GNAO1: variants seen among roughly 807,000 people sequenced by gnomAD.
GNAO1 encodes guanine nucleotide-binding protein G(o) subunit alpha.
For missense variants in GNAO1, 166 were observed against 478.7 expected (o/e 0.35, Z 6.10); for synonymous variants, 164 against 180.7 (o/e 0.91, Z 0.74).
intron 8 of GNAO1, chr16:56,355,488 G>C (rs1297494182): frequency 6.6e-6 from 1 of 152,424 alleles, no homozygotes; most frequent in African/African-American, 2.4e-5. Context: ...GGCCCAGCCA[G>C]CTCTCTGTGT....
At chr16:56,197,647 G>A (rs2036245582) in intron 2 of GNAO1, among the ~76,000 whole-genome samples, 2 of 152,218 alleles carry the variant, frequency 1.3e-5, no homozygotes, top group South Asian at 2.1e-4. Flanking sequence ...CAACATGGCT[G>A]GAAAAGAATG....
chr16:56,267,828 A>G (rs2036972305), intron 2 of GNAO1, among the ~76,000 whole-genome samples: 1 of 152,174 alleles, frequency 6.6e-6, no homozygotes, highest in Non-Finnish European at 1.5e-5. Context: ...TAGGTATGCA[A>G]ATAATATATG....
At chr16:56,290,486 C>T (rs1408795288) in intron 3 of GNAO1, among the ~76,000 whole-genome samples, 1 of 152,198 alleles carries the variant, frequency 6.6e-6, no homozygotes, top group Admixed American at 6.5e-5. Context: ...TGTATGGCCC[C>T]TTGTAAAATC....
intron 2 of GNAO1, chr16:56,270,637 TA>T (rs1567463303): frequency 3.3e-5 from 5 of 152,282 alleles, no homozygotes; most frequent in Admixed American, 6.5e-5. Flanking sequence ...GCTTTAATTT[TA>T]AAAATTAAAA....
intron 3 of GNAO1, among the ~76,000 whole-genome samples, chr16:56,286,356 TGG>T (rs2037167237): frequency 9.2e-5 from 14 of 152,244 alleles, no homozygotes; most frequent in African/African-American, 3.4e-4. Context: ...ACAACCACAC[TGG>T]CAAACTGGCT....
rs142902032 is a variant in GNAO1 at position 56,195,714 on chromosome 16, G to A, written c.161+3098G>A. On this transcript the variant is annotated intron_variant, in intron 2 of 8. Coordinates refer to ENST00000262493, the MANE Select transcript of GNAO1 (RefSeq NM_020988.3). ...GTGATAACCCAGTGATTTCCTAATG[G>A]GGGGCTGCAGTCTAATAGCTCAGCA... 3.7e-3 allele frequency among the ~76,000 whole-genome samples: 559 copies of A among 152,316 alleles called. 1 individual carries two copies. The highest frequency in any genetic ancestry group is 6.9e-3 in the Non-Finnish European group (468 of 68,026).
chr16:56,294,831 G>A (rs1481863236), intron 3 of GNAO1, among the ~76,000 whole-genome samples: 1 of 152,178 alleles, frequency 6.6e-6, no homozygotes, highest in Non-Finnish European at 1.5e-5. Context: ...GTATTTCACT[G>A]TGGTTTTAAT....
Position 56,256,849 on chromosome 16 carries a change from A to G in GNAO1, c.162-19082A>G, listed in dbSNP as rs868813881. Among the ~76,000 whole-genome samples, 30 of 152,118 alleles carry G rather than the reference A, an allele frequency of 2.0e-4. 1 individual carries two copies. The South Asian group carries it at 3.9e-3, about 20-fold the overall frequency. On this transcript the variant is annotated intron_variant, in intron 2 of 8. Coordinates refer to ENST00000262493, the MANE Select transcript of GNAO1 (RefSeq NM_020988.3). ...ACTCTTTGTCTAGTTGAATCTGATT[A>G]GACACTGGACTAGCTTCCAGAATCA...
chr16:56,240,818 G>A (rs1266136524), intron 2 of GNAO1, among the ~76,000 whole-genome samples: 7 of 152,160 alleles, frequency 4.6e-5, no homozygotes, highest in Non-Finnish European at 8.8e-5. Flanking sequence ...ACAGTCACGA[G>A]GAGAAGGATG....
At chr16:56,221,035 T>C (rs2036480919) in intron 2 of GNAO1, among the ~76,000 whole-genome samples, 1 of 152,122 alleles carries the variant, frequency 6.6e-6, no homozygotes, top group Non-Finnish European at 1.5e-5. Context: ...CATGAGCCAC[T>C]GCACCCAGCC....
At chr16:56,313,579 G>A (rs866612809) in intron 3 of GNAO1, among the ~76,000 whole-genome samples, 2 of 152,064 alleles carry the variant, frequency 1.3e-5, no homozygotes, top group Non-Finnish European at 2.9e-5. Flanking sequence ...TTGTTTGGTT[G>A]AAGAAAAATT....
At chr16:56,204,754 A>T (rs904214889) in intron 2 of GNAO1, among the ~76,000 whole-genome samples, 1 of 152,196 alleles carries the variant, frequency 6.6e-6, no homozygotes, top group Admixed American at 6.5e-5. Context: ...AAAAATTTTT[A>T]TGGTAGAAAT....
chr16:56,315,305 C>T (rs1026242295), intron 3 of GNAO1, among the ~76,000 whole-genome samples: 1 of 152,216 alleles, frequency 6.6e-6, no homozygotes, highest in Non-Finnish European at 1.5e-5. Flanking sequence ...TTTTCCTTCC[C>T]TTTGACTGAG....
chr16:56,319,795 C>T (rs2037553717), intron 3 of GNAO1, among the ~76,000 whole-genome samples: 1 of 152,088 alleles, frequency 6.6e-6, no homozygotes, highest in Admixed American at 6.5e-5. Context: ...GTACCATGCT[C>T]CCCACCCCTC....
chr16:56,294,334 T>G (rs2037262777), intron 3 of GNAO1, among the ~76,000 whole-genome samples: 1 of 129,548 alleles, frequency 7.7e-6, no homozygotes, highest in South Asian at 2.6e-4. Context: ...AGCAGAAGGC[T>G]TTGCTTTAAA....
intron 2 of GNAO1, among the ~76,000 whole-genome samples, chr16:56,213,090 G>A (rs534494193): frequency 3.9e-5 from 6 of 152,254 alleles, no homozygotes; most frequent in Non-Finnish European, 7.3e-5. Context: ...AGCCAGGCCA[G>A]ACCCAGTTGC....
rs1221327508 is a variant in GNAO1, at chr16:56,221,463, A to G, written c.161+28847A>G. On this transcript the variant is annotated intron_variant, in intron 2 of 8. Transcript: ENST00000262493. ...TCAGGAGTTCATGACCAGCCTGGCC[A>G]ACATGGTGAAACCCCATCTCTACTA... Among the ~76,000 whole-genome samples the G allele has an allele frequency of 2.0e-5, 3 of 152,184 alleles. No individual in the cohort carries two copies. The South Asian group carries it at 6.2e-4, about 32-fold the overall frequency.
intron 4 of GNAO1, among the ~76,000 whole-genome samples, chr16:56,329,964 G>T (rs11864758): frequency 1.2e-3 from 182 of 152,350 alleles, no homozygotes; most frequent in African/African-American, 4.1e-3. Flanking sequence ...ATAGTGCCAA[G>T]ATTAAGAAAC....
At chr16:56,345,257 T>C in intron 6 of GNAO1, 2 of 985,518 alleles carry the variant, frequency 2.0e-6, no homozygotes, top group Non-Finnish European at 2.4e-6. Flanking sequence ...AGGCCAGTCG[T>C]GTGCTTGTAC....
Sources: allele counts gnomAD v4.1 joint callset (sites outside exome capture counted in the v4.1 genomes callset), GRCh38; gene constraint gnomAD v4.1.1; transcripts MANE v1.5; gene names NCBI Gene and HGNC (gene_info 2026-07-23, HGNC 2026-07-21).